The following CNTN1 variants were observed in gnomAD, a reference collection of about 807,000 sequenced individuals.
CNTN1 encodes contactin-1.
In CNTN1, 38 loss-of-function variants were observed where a neutral mutation model predicts 126.4. The ratio of observed to expected loss-of-function variants is 0.30; its 90% CI spans 0.23 to 0.39. The LOEUF (loss-of-function observed/expected upper bound fraction) is 0.39. CNTN1 is among the 10% of genes least tolerant of loss of function. CNTN1 has a pLI of 1.00. For synonymous variants in CNTN1, 413 were observed against 422.6 expected (o/e 0.98, Z 0.28); for missense variants, 1,009 against 1,248.4 (o/e 0.81, Z 2.89).
rs35866838 is a variant in CNTN1, at chr12:40,872,571, C to CTTTTTTTTTTTTTTT, written c.-76-35781_-76-35767dup. On this transcript the variant is annotated intron_variant, in intron 1 of 23. Coordinates refer to ENST00000551295, the MANE Select transcript of CNTN1 (RefSeq NM_001843.4). ...TGCATGTACTAAGCATTTTTTCTTT[C>CTTTTTTTTTTTTTTT]TTTTTTTTTTTTTTTTTTTGAGATG... Among the ~76,000 whole-genome samples the CTTTTTTTTTTTTTTT allele has an allele frequency of 1.7e-4, 18 of 108,624 alleles. 2 individuals are homozygous for CTTTTTTTTTTTTTTT. Among genetic ancestry groups the CTTTTTTTTTTTTTTT allele is most frequent in the Non-Finnish European group, 2.3e-4 (13 of 56,220 alleles). 71.3% of individuals were successfully genotyped at this position (108,624 alleles called of 152,430 possible).
chr12:40,698,092 C>T (rs1222969068), intron 1 of CNTN1, among the ~76,000 whole-genome samples: 1 of 152,086 alleles, frequency 6.6e-6, no homozygotes, highest in Admixed American at 6.6e-5. Context: ...TTGCTTAGGG[C>T]TGGTTGCTTT....
intron 18 of CNTN1, among the ~76,000 whole-genome samples, chr12:41,014,572 A>C (rs1297984940): frequency 6.6e-6 from 1 of 152,204 alleles, no homozygotes; most frequent in Non-Finnish European, 1.5e-5. Context: ...AGATACTTTG[A>C]TCATTGTAGT....
chr12:40,862,574 T>A (rs1352011007), intron 1 of CNTN1, among the ~76,000 whole-genome samples: 1 of 152,178 alleles, frequency 6.6e-6, no homozygotes, highest in Non-Finnish European at 1.5e-5. Flanking sequence ...AAGTTATGAA[T>A]ATCATCTGGC....
intron 23 of CNTN1, among the ~76,000 whole-genome samples, chr12:41,042,065 T>A (rs528657570): frequency 1.6e-4 from 25 of 152,256 alleles, no homozygotes; most frequent in Non-Finnish European, 3.1e-4. Flanking sequence ...TATTATAAAT[T>A]TCCCCCTACA....
At chr12:40,756,356 G>A (rs989543680) in intron 1 of CNTN1, among the ~76,000 whole-genome samples, 1 of 152,004 alleles carries the variant, frequency 6.6e-6, no homozygotes, top group Non-Finnish European at 1.5e-5. Context: ...TAAGGGGAGT[G>A]TCCTCATTGG....
rs553788605 is a variant in CNTN1 at position 40,693,056 on chromosome 12, C to G, written c.-77+464C>G. ...ACCTGGGCGCCTGGCTAGCGCATCC[C>G]GGAAAACCTGGGAGCGGTTGCGGAG... On this transcript the variant is annotated intron_variant, in intron 1 of 23. Coordinates refer to ENST00000551295, the MANE Select transcript of CNTN1 (RefSeq NM_001843.4). 2.0e-5 allele frequency among the ~76,000 whole-genome samples: 3 copies of G among 152,340 alleles called. No individual in the cohort carries two copies. The South Asian group carries it at 6.2e-4, about 32-fold the overall frequency.
chr12:40,702,768 C>T lies in CNTN1; in HGVS notation c.-77+10176C>T, dbSNP rs957870466. On this transcript the variant is annotated intron_variant, in intron 1 of 23. Transcript: ENST00000551295. ...GAATTATGCTATATACGGTGTTCTG[C>T]CACTTCCTTTTATCTTGGACAACTT... Among the ~76,000 whole-genome samples, 7 of 152,150 alleles carry T rather than the reference C, an allele frequency of 4.6e-5. No individual in the cohort carries two copies. In the South Asian group the frequency reaches 1.2e-3, roughly 27 times the overall value.
At chr12:41,034,674 C>G (rs1311694547) in intron 23 of CNTN1, among the ~76,000 whole-genome samples, 1 of 152,112 alleles carries the variant, frequency 6.6e-6, no homozygotes, top group South Asian at 2.1e-4. Flanking sequence ...ATAAATCTAG[C>G]CTATATATTT....
chr12:40,785,516 G>T (rs370872143), intron 1 of CNTN1, among the ~76,000 whole-genome samples: 1 of 152,286 alleles, frequency 6.6e-6, no homozygotes, highest in Middle Eastern at 3.4e-3. Flanking sequence ...AGTCAGCAAA[G>T]GGTGGTGGAT....
intron 1 of CNTN1, among the ~76,000 whole-genome samples, chr12:40,718,164 A>G: frequency 6.6e-6 from 1 of 151,924 alleles, no homozygotes; most frequent in East Asian, 1.9e-4. Flanking sequence ...GGTTCATGAA[A>G]GGTTTTTTGT....
Position 40,994,387 on chromosome 12 carries a change from C to G in CNTN1, c.2113+1118C>G, listed in dbSNP as rs1441004312. 2.0e-5 allele frequency among the ~76,000 whole-genome samples: 3 copies of G among 151,954 alleles called. 1 individual carries two copies. The highest frequency in any genetic ancestry group is 2.4e-5 in the African/African-American group (1 of 41,408). ...AGATAGGTAAGTAAAAATATTTTACCTGAGATGTTTGTTTAGACCAATTTA... is the reference window on the plus strand; with the variant it reads ...AGATAGGTAAGTAAAAATATTTTACGTGAGATGTTTGTTTAGACCAATTTA... On this transcript the variant is annotated intron_variant, in intron 17 of 23. Transcript: ENST00000551295.
intron 1 of CNTN1, among the ~76,000 whole-genome samples, chr12:40,818,411 G>C (rs1377360821): frequency 2.0e-5 from 3 of 151,870 alleles, no homozygotes; most frequent in Non-Finnish European, 2.9e-5. Context: ...TTTTATTTCA[G>C]TAAGGTGGTC....
chr12:40,797,901 G>A (rs1418082233), intron 1 of CNTN1, among the ~76,000 whole-genome samples: 1 of 152,040 alleles, frequency 6.6e-6, no homozygotes, highest in African/African-American at 2.4e-5. Context: ...GGGAGAACTG[G>A]AAGATGATCC....
chr12:40,936,110 AT>A (rs1489844924), intron 9 of CNTN1, among the ~76,000 whole-genome samples: 4 of 151,998 alleles, frequency 2.6e-5, no homozygotes, highest in Non-Finnish European at 5.9e-5. Flanking sequence ...CTCTAAAAAT[AT>A]TTTTTCTTTG....
At chr12:40,802,773 C>T (rs147033424) in intron 1 of CNTN1, among the ~76,000 whole-genome samples, 16 of 152,034 alleles carry the variant, frequency 1.1e-4, no homozygotes, top group African/African-American at 3.9e-4. Context: ...CTTTGCCTAT[C>T]TTTTCAAAAC....
rs565641194 is a variant in CNTN1 at position 40,954,685 on chromosome 12, A to T, written c.1684-4429A>T. On this transcript the variant is annotated intron_variant, in intron 14 of 23. Coordinates refer to ENST00000551295, the MANE Select transcript of CNTN1 (RefSeq NM_001843.4). The stretch of plus-strand genomic sequence containing the variant: ...TGCTTCGCTAGAAGGTATTCACAGA[A>T]TTCTCTTAAAGCTGTTATATACATG... 2.0e-5 allele frequency among the ~76,000 whole-genome samples: 3 copies of T among 152,252 alleles called. No individual in the cohort carries two copies. The South Asian group carries it at 6.2e-4, about 32-fold the overall frequency.
At chr12:41,040,414 C>T (rs1949372323) in intron 23 of CNTN1, among the ~76,000 whole-genome samples, 1 of 151,970 alleles carries the variant, frequency 6.6e-6, no homozygotes, top group African/African-American at 2.4e-5. Flanking sequence ...TAAATAAACA[C>T]AGACATAGGA....
chr12:40,892,400 T>C (rs1313523854), intron 1 of CNTN1, among the ~76,000 whole-genome samples: 1 of 152,086 alleles, frequency 6.6e-6, no homozygotes, highest in Non-Finnish European at 1.5e-5. Context: ...AGTTTCTCAT[T>C]CTAAGAAAAA....
At chr12:40,851,767 C>T (rs972020588) in intron 1 of CNTN1, among the ~76,000 whole-genome samples, 4 of 151,696 alleles carry the variant, frequency 2.6e-5, no homozygotes, top group Non-Finnish European at 4.4e-5. Flanking sequence ...TAAGGCTTAG[C>T]GATATTTATG....
Sources: gnomAD v4.1 joint callset for allele counts (sites outside exome capture counted in the v4.1 genomes callset) on GRCh38, gnomAD v4.1.1 for gene constraint, MANE v1.5 for transcripts, NCBI Gene and HGNC (gene_info 2026-07-23, HGNC 2026-07-21) for gene names.